Variants in TBXAS1 observed in about 807,000 individuals in gnomAD.
TBXAS1 encodes thromboxane A synthase 1, also known as thromboxane-A synthase.
Under a neutral mutation model 60.7 loss-of-function variants are expected in TBXAS1, and 48 were observed. That is an observed-to-expected ratio of 0.79 (90% CI 0.63 to 1.01). The LOEUF (loss-of-function observed/expected upper bound fraction) is 1.01, where lower values mean the gene tolerates loss of function less well. Among genes scored for constraint, TBXAS1 ranks in the 50% least tolerant of loss-of-function variants. The probability of loss-of-function intolerance (pLI) is 0.00; values close to 1 mark genes in which losing one functional copy is unlikely to be tolerated. For missense variants in TBXAS1, 685 were observed against 686.3 expected, an observed-to-expected ratio of 1.00 and a Z score of 0.02; for synonymous variants, 287 against 269.7, an observed-to-expected ratio of 1.06 and a Z score of -0.63.
In TBXAS1 at chr7:139,962,055, C is replaced by G. The variant is rs755886818; in HGVS notation, c.956C>G (p.Pro319Arg). ...CKPNPSRQHQ[P>R]SPMARPLTVD... ...CCGAACCCTTCCCGGCAACACCAGC[C>G]CAGCCCTATGGCCAGGCCTTTGACT... Residue 319 changes from proline to arginine, a missense_variant, in exon 9 of 13, where the codon CCC becomes CGC. By Grantham distance (103) the Pro-to-Arg change is moderately radical. Transcript: ENST00000448866. 2 of 1,614,264 alleles carry G rather than the reference C, an allele frequency of 1.2e-6. No individual in the cohort carries two copies. The highest frequency in any genetic ancestry group is 2.2e-5 in the South Asian group (2 of 91,088).
chr7:139,882,850 G>A (rs1378424509), intron 3 of TBXAS1, among the ~76,000 whole-genome samples: 1 of 152,118 alleles, frequency 6.6e-6, no homozygotes, highest in African/African-American at 2.4e-5. Context: ...CCATCATGAT[G>A]GTCTGTAGGT....
intron 3 of TBXAS1, chr7:139,906,127 A>T: frequency 2.6e-6 from 1 of 386,774 alleles, no homozygotes; most frequent in South Asian, 1.9e-5. Context: ...TTGATCTTGG[A>T]TCACTGCAAC....
At chr7:139,846,687 G>C (rs1222299629) in intron 1 of TBXAS1, among the ~76,000 whole-genome samples, 1 of 152,184 alleles carries the variant, frequency 6.6e-6, no homozygotes, top group African/African-American at 2.4e-5. Flanking sequence ...GAGGAGAGGC[G>C]TACTTCAAAC....
chr7:139,998,225 G>A (rs1033332614), intron 9 of TBXAS1, among the ~76,000 whole-genome samples: 4 of 152,222 alleles, frequency 2.6e-5, no homozygotes, highest in East Asian at 1.9e-4. Context: ...GCATGTGACC[G>A]GGAGAGGCCA....
chr7:139,991,213 G>A (rs1185350790), intron 9 of TBXAS1, among the ~76,000 whole-genome samples: 3 of 152,184 alleles, frequency 2.0e-5, no homozygotes, highest in African/African-American at 7.2e-5. Context: ...CTGTGTGAAA[G>A]AACACAAATG....
At chr7:139,941,584 T>C (rs1808296719) in intron 5 of TBXAS1, among the ~76,000 whole-genome samples, 1 of 152,208 alleles carries the variant, frequency 6.6e-6, no homozygotes, top group African/African-American at 2.4e-5. Flanking sequence ...TAGAAAAGGA[T>C]GGCTGAGCAT....
At chr7:139,976,775 G>A (rs11772680) in intron 9 of TBXAS1, among the ~76,000 whole-genome samples, 3 of 152,220 alleles carry the variant, frequency 2.0e-5, no homozygotes, top group East Asian at 3.9e-4. Context: ...GAGGAAGAAC[G>A]TTGCCAGAAT....
intron 4 of TBXAS1, among the ~76,000 whole-genome samples, chr7:139,806,279 T>TATTTG (rs1410289125): frequency 2.7e-5 from 4 of 150,102 alleles, no homozygotes; most frequent in African/African-American, 9.9e-5. Context: ...TATTTTATTT[T>TATTTG]AGAGACAGGG....
chr7:140,020,118 G>T lies in TBXAS1; in HGVS notation c.*19G>T, dbSNP rs149010293. 19 of 1,610,394 alleles carry T rather than the reference G, an allele frequency of 1.2e-5. No homozygotes were observed. The African/African-American group carries it at 1.6e-4, about 14-fold the overall frequency. ...CCGCTGACACAGAAGGCTGCCGGGT[G>T]GGGGGAGGGCACCCCCAAATTCAAA... On this transcript the variant is annotated 3_prime_UTR_variant, in exon 13 of 13. Coordinates refer to ENST00000448866, the MANE Select transcript of TBXAS1 (RefSeq NM_001061.7).
chr7:139,932,460 G>A (rs1807413098), intron 4 of TBXAS1, among the ~76,000 whole-genome samples: 1 of 151,874 alleles, frequency 6.6e-6, no homozygotes. Flanking sequence ...GTTGACTATT[G>A]GGATAGTTCT....
intron 4 of TBXAS1, among the ~76,000 whole-genome samples, chr7:139,806,238 C>CTATTT (rs1257190042): frequency 1.0e-5 from 1 of 100,288 alleles, no homozygotes; most frequent in Non-Finnish European, 2.2e-5. Context: ...TGTGCCTGGC[C>CTATTT]TATGTTATTT....
At chr7:139,904,997 CTCTTTCTCTCTTTCTTTCTTTCTTTCTT>C (rs1804878416) in intron 3 of TBXAS1, among the ~76,000 whole-genome samples, 1 of 93,132 alleles carries the variant, frequency 1.1e-5, no homozygotes, top group African/African-American at 4.7e-5. Context: ...CTCTCTTTCT[CTCTTTCTCTCTTTCTTTCTTTCTTTCTT>C]TCTTTCTTTC....
intron 4 of TBXAS1, among the ~76,000 whole-genome samples, chr7:139,788,365 T>A (rs1189483412): frequency 1.3e-5 from 2 of 152,280 alleles, no homozygotes; most frequent in Admixed American, 6.5e-5. Flanking sequence ...AGTTCATTTT[T>A]ATGGTCTGAT....
intron 1 of TBXAS1, among the ~76,000 whole-genome samples, chr7:139,850,723 T>C (rs1315124846): frequency 1.3e-5 from 2 of 152,254 alleles, no homozygotes; most frequent in African/African-American, 4.8e-5. Flanking sequence ...AGAGTGAAAT[T>C]TGGATGCTGA....
At chr7:139,883,941 A>G (rs142745710) in intron 3 of TBXAS1, among the ~76,000 whole-genome samples, 157 of 152,330 alleles carry the variant, frequency 1.0e-3, no homozygotes, top group Admixed American at 2.4e-3. Flanking sequence ...TGATTTCATG[A>G]CCACTAGTGA....
chr7:139,883,786 C>G (rs1478178288), intron 3 of TBXAS1, among the ~76,000 whole-genome samples: 1 of 152,150 alleles, frequency 6.6e-6, no homozygotes, highest in East Asian at 1.9e-4. Context: ...ACATTGTTAT[C>G]TAATACACAC....
At chr7:139,847,138 C>G (rs1799873444) in intron 1 of TBXAS1, among the ~76,000 whole-genome samples, 1 of 152,162 alleles carries the variant, frequency 6.6e-6, no homozygotes, top group Non-Finnish European at 1.5e-5. Flanking sequence ...AAATCTATTT[C>G]TTGAAAAGTG....
intron 5 of TBXAS1, among the ~76,000 whole-genome samples, chr7:139,942,849 C>T (rs957415231): frequency 6.6e-6 from 1 of 152,196 alleles, no homozygotes. Flanking sequence ...ATGTATGAAT[C>T]TTAAAGGCAG....
intron 2 of TBXAS1, among the ~76,000 whole-genome samples, chr7:139,874,148 C>T (rs969519715): frequency 3.9e-5 from 6 of 152,100 alleles, no homozygotes; most frequent in South Asian, 2.1e-4. Flanking sequence ...CTGGGGTGGG[C>T]GGTTCACAAC....
Sources: gnomAD v4.1 joint callset for allele counts (sites outside exome capture counted in the v4.1 genomes callset) on GRCh38, gnomAD v4.1.1 for gene constraint, MANE v1.5 for transcripts, NCBI Gene and HGNC (gene_info 2026-07-23, HGNC 2026-07-21) for gene names.